The following XPC variants were observed in gnomAD, a reference collection of about 807,000 sequenced individuals.
XPC encodes the protein DNA repair protein complementing XP-C cells.
Under a neutral mutation model 95.8 loss-of-function variants are expected in XPC, and 76 were observed. The ratio of observed to expected loss-of-function variants is 0.79; its 90% confidence interval spans 0.66 to 0.96. The LOEUF is 0.96. Ranked by LOEUF, XPC falls within the 40% of genes least tolerant of loss-of-function variation. The pLI, the probability that XPC is intolerant of heterozygous loss-of-function variation, is 0.00. For synonymous variants in XPC, 442 were observed against 442.1 expected, an observed-to-expected ratio of 1.00 and a Z score of 0.00; for missense variants, 1,146 against 1,179.8, an observed-to-expected ratio of 0.97 and a Z score of 0.42.
chr3:14,178,432 G>T, intron 1 of XPC, 34 bp downstream of exon 1: 1 of 1,572,204 alleles, frequency 6.4e-7, no homozygotes. Context: ...CACCGGCGGC[G>T]TCTCCCGCGA....
intron 1 of XPC, among the ~76,000 whole-genome samples, chr3:14,173,693 A>G (rs1696702075): frequency 6.6e-6 from 1 of 152,244 alleles, no homozygotes; most frequent in African/African-American, 2.4e-5. Context: ...TAAAAAATGC[A>G]TAAGCTGCTG....
Position 14,158,197 on chromosome 3 carries a change from G to A in XPC, c.1686C>T (p.Ala562=), listed in dbSNP as rs1245421663. Reference sequence around the variant, plus strand: ...CCACCACATAGGTCATGGGCTTGGTGGCGTACTTGTAACAGGTCAGAGGCT... The same window carrying A: ...CCACCACATAGGTCATGGGCTTGGTAGCGTACTTGTAACAGGTCAGAGGCT... ...VGQPLTCYKY[A]TKPMTYVVGI... The change falls in exon 9 of 16, where the codon GCC becomes GCT. Residue 562 remains alanine, a synonymous_variant. Coordinates refer to ENST00000285021, the MANE Select transcript of XPC (RefSeq NM_004628.5). This position sits in a 1 kb window ranked among gnomAD's most constrained non-coding sequence, Gnocchi z 5.2. 3 of 1,613,948 alleles carry A rather than the reference G, an allele frequency of 1.9e-6. No homozygotes were observed. Among genetic ancestry groups the A allele is most frequent in the East Asian group, 4.5e-5 (2 of 44,864 alleles).
chr3:14,165,760 C>T, intron 5 of XPC, 175 bp from the exon 6 acceptor site: 4 of 671,086 alleles, frequency 6.0e-6, no homozygotes, highest in Non-Finnish European at 1.0e-5. Context: ...TTGACCCTCT[C>T]TTTTTCTCTC....
chr3:14,159,815 G>A lies in XPC; in HGVS notation c.916C>T (p.Leu306Phe), dbSNP rs780185621. The change falls in exon 8 of 16, where the codon CTC becomes TTC. Residue 306 changes from leucine (L) to phenylalanine (F), a missense_variant. Physicochemically the swap from Leu to Phe is conservative, Grantham distance 22. Transcript: ENST00000285021. ...CGGGTCAAGAGCTGCAGAGCCCGGA[G>A]AATCAGTAAGAATATCTATGATGAA... Reference protein sequence around the residue: ...EELVHIFLLILRALQLLTRLV... With the variant: ...EELVHIFLLIFRALQLLTRLV... 1 of 1,555,466 alleles carries A rather than the reference G, an allele frequency of 6.4e-7. No homozygotes were observed. Among genetic ancestry groups the A allele is most frequent in the Non-Finnish European group, 8.7e-7 (1 of 1,149,082 alleles).
intron 7 of XPC, among the ~76,000 whole-genome samples, chr3:14,161,870 C>T (rs1195817165): frequency 3.3e-5 from 5 of 151,812 alleles, no homozygotes; most frequent in Non-Finnish European, 5.9e-5. Flanking sequence ...AAATGATCTA[C>T]TCATAGATGG....
At chr3:14,149,054 C>T (rs962426855) in intron 11 of XPC, 106 bp from the exon 12 acceptor site, 15 of 1,476,864 alleles carry the variant, frequency 1.0e-5, no homozygotes, top group South Asian at 5.2e-5. Context: ...GGTGAACCCT[C>T]AGAACACACC....
At chr3:14,150,248 C>T (rs932618966) in intron 11 of XPC, among the ~76,000 whole-genome samples, 3 of 152,218 alleles carry the variant, frequency 2.0e-5, no homozygotes, top group Non-Finnish European at 4.4e-5. Flanking sequence ...GGGCGTGCGG[C>T]TGAGGGCTGG....
In XPC at chr3:14,165,479, C is replaced by T. The variant is rs762480645; in HGVS notation, c.728G>A (p.Arg243Lys). 4.4e-6 allele frequency: 7 copies of T among 1,605,858 alleles called. No homozygotes were observed. The Admixed American group carries it at 1.2e-4, about 27-fold the overall frequency. Residue 243 changes from arginine (R) to lysine (K), a missense_variant, in exon 6 of 16, where the codon AGA becomes AAA. Transcript: ENST00000285021. ...GLSIIPARFTRVLPRDVDTYY... is the reference protein window; with the variant it reads ...GLSIIPARFTKVLPRDVDTYY... ...GGTGTCCACATCTCGAGGCAGCACT[C>T]TGGTAAAGCGGGCTGGGATGATGGA...
chr3:14,147,519 T>A, intron 14 of XPC, 140 bp from the exon 15 acceptor site: 1 of 816,524 alleles, frequency 1.2e-6, no homozygotes. Context: ...AAGTCTCACT[T>A]CCAAAAAATT....
At chr3:14,172,321 G>A (rs1047913742) in intron 2 of XPC, among the ~76,000 whole-genome samples, 7 of 152,166 alleles carry the variant, frequency 4.6e-5, no homozygotes, top group African/African-American at 7.2e-5. Flanking sequence ...CCCTAGAAGC[G>A]CTACAGGAAG....
At chr3:14,146,287 G>T in intron 15 of XPC, 128 bp from the exon 16 acceptor site, 1 of 854,440 alleles carries the variant, frequency 1.2e-6, no homozygotes, top group Non-Finnish European at 1.8e-6. Context: ...CAAGGGCATG[G>T]GACAGGGCAG....
intron 10 of XPC, among the ~76,000 whole-genome samples, chr3:14,154,135 G>A (rs141329866): frequency 1.6e-4 from 25 of 152,240 alleles, no homozygotes; most frequent in African/African-American, 5.8e-4. Context: ...AACACAGAAA[G>A]TAACAAGTGT....
intron 1 of XPC, among the ~76,000 whole-genome samples, chr3:14,176,678 T>C (rs112715505): frequency 3.9e-4 from 60 of 152,368 alleles, no homozygotes; most frequent in African/African-American, 1.4e-3. Flanking sequence ...TCCTAATGGA[T>C]GATGAATTTA....
chr3:14,173,311 T>C (rs529394519), intron 1 of XPC, among the ~76,000 whole-genome samples: 40 of 152,334 alleles, frequency 2.6e-4, no homozygotes, highest in East Asian at 1.3e-3. Context: ...GAAAATACCA[T>C]AGGACTCAAA....
At chr3:14,147,720 A>G in intron 14 of XPC, 188 bp downstream of exon 14, 1 of 611,668 alleles carries the variant, frequency 1.6e-6, no homozygotes, top group South Asian at 2.0e-5. Context: ...CCTCAGGGAC[A>G]GTGATAGTCT....
In XPC at chr3:14,146,161, TG is replaced by T; in HGVS notation, c.2605-3del. Reference sequence around the variant, plus strand: ...TGTGTGGGGAGCTGCTGCCTCACTCTGGACAGGTGGCAGTGGTGGGAGGACA... The same window carrying T: ...TGTGTGGGGAGCTGCTGCCTCACTCTGACAGGTGGCAGTGGTGGGAGGACA... On this transcript the variant is annotated splice_region_variant and splice_polypyrimidine_tract_variant and intron_variant, in intron 15 of 15. Transcript: ENST00000285021. 6.2e-7 allele frequency: 1 copy of T among 1,603,994 alleles called. No individual in the cohort carries two copies.
intron 4 of XPC, among the ~76,000 whole-genome samples, chr3:14,167,568 G>A (rs1180122091): frequency 2.0e-5 from 3 of 152,102 alleles, no homozygotes; most frequent in African/African-American, 4.8e-5. Context: ...CAACTCTTCC[G>A]ACTACTGACT....
chr3:14,149,835 T>C (rs1427197584), intron 11 of XPC: 1 of 152,228 alleles, frequency 6.6e-6, no homozygotes, highest in Non-Finnish European at 1.5e-5. Context: ...TTGTTTCCAT[T>C]TTACAGATGA....
rs11924449 is a variant in XPC, at chr3:14,159,695, T to C, written c.990+46A>G. 9.8e-4 allele frequency: 1,474 copies of C among 1,505,172 alleles called. 15 individuals carry two copies. In the African/African-American group the frequency reaches 0.019, roughly 19 times the overall value. 93.2% of individuals were successfully genotyped at this position (1,505,172 alleles called of 1,614,324 possible). A position where few individuals can be genotyped will look rare whatever the true frequency, so the allele number is the denominator to read the frequency against. On this transcript the variant is annotated intron_variant, in intron 8 of 15. Transcript: ENST00000285021. ...TGATCAATTTTTTTAAGTGTGACAA[T>C]TTCCTGTCAATTGCTCCTCTTCTCT...
Sources: gnomAD v4.1 joint callset for allele counts (sites outside exome capture counted in the v4.1 genomes callset) on GRCh38, gnomAD v4.1.1 for gene constraint, Gnocchi (gnomAD v3.1) non-coding constraint, MANE v1.5 for transcripts, NCBI Gene and HGNC (gene_info 2026-07-23, HGNC 2026-07-21) for gene names.